The following GLDC variants were observed in gnomAD, a reference collection of about 807,000 sequenced individuals.
The protein encoded by GLDC is glycine dehydrogenase (decarboxylating), mitochondrial.
In GLDC, 104 loss-of-function variants were observed where a neutral mutation model predicts 121.3. The ratio of observed to expected loss-of-function variants is 0.86; its 90% CI spans 0.73 to 1.01. The LOEUF is 1.01. Among genes scored for constraint, GLDC ranks in the 50% least tolerant of loss-of-function variants. GLDC has a pLI of 0.00. For missense variants in GLDC, 1,429 were observed against 1,306.6 expected (o/e 1.09, Z -1.44); for synonymous variants, 546 against 480.6 (o/e 1.14, Z -1.78).
intron 8 of GLDC, among the ~76,000 whole-genome samples, chr9:6,596,314 A>T (rs1267960414): frequency 1.3e-5 from 2 of 152,244 alleles, no homozygotes; most frequent in African/African-American, 4.8e-5. Flanking sequence ...ACACGGCTGA[A>T]CAACAAATTG....
At chr9:6,638,731 C>G (rs1376417347) in intron 2 of GLDC, among the ~76,000 whole-genome samples, 1 of 152,144 alleles carries the variant, frequency 6.6e-6, no homozygotes, top group Admixed American at 6.5e-5. Flanking sequence ...TATATCCTCA[C>G]TGGGCACGGT....
chr9:6,624,809 G>C (rs2129965975), intron 2 of GLDC, among the ~76,000 whole-genome samples: 1 of 152,144 alleles, frequency 6.6e-6, no homozygotes, highest in East Asian at 1.9e-4. Context: ...CCAACATGGT[G>C]AAACCCTGTC....
rs187370615 is a variant in GLDC at position 6,556,134 on chromosome 9, G to T, written c.2202+19C>A. The T allele has an allele frequency of 2.5e-6, 4 of 1,602,638 alleles. No individual in the cohort carries two copies. The highest frequency in any genetic ancestry group is 3.4e-6 in the Non-Finnish European group (4 of 1,171,222). On this transcript the variant is annotated intron_variant, in intron 18 of 24. Coordinates refer to ENST00000321612, the MANE Select transcript of GLDC (RefSeq NM_000170.3). ...CATTTTCTCAGTGGGAACTAAGGGC[G>T]GGCCTCTTCAGTTCCCACCTGAGCA... is the stretch of plus-strand genomic sequence containing the variant.
At chr9:6,607,791 G>C (rs1213600833) in intron 4 of GLDC, among the ~76,000 whole-genome samples, 1 of 151,402 alleles carries the variant, frequency 6.6e-6, no homozygotes. Flanking sequence ...TTGGGACTAC[G>C]GGCATGTGCC....
At chr9:6,558,896 T>C (rs1425126006) in intron 16 of GLDC, among the ~76,000 whole-genome samples, 4 of 152,240 alleles carry the variant, frequency 2.6e-5, no homozygotes, top group African/African-American at 7.2e-5. Context: ...CCCTAAATAT[T>C]GTTCCCTGAA....
At chr9:6,546,841 A>T (rs561314600) in intron 21 of GLDC, among the ~76,000 whole-genome samples, 9 of 152,132 alleles carry the variant, frequency 5.9e-5, no homozygotes, top group African/African-American at 2.2e-4. Context: ...GAACACCTGT[A>T]GTCCCAGCTA....
intron 8 of GLDC, among the ~76,000 whole-genome samples, chr9:6,600,943 G>A (rs1818596769): frequency 6.6e-6 from 1 of 152,160 alleles, no homozygotes; most frequent in South Asian, 2.1e-4. Context: ...GGGAGGCCGA[G>A]GTGGGTGGAT....
intron 15 of GLDC, among the ~76,000 whole-genome samples, chr9:6,579,190 T>C (rs1818129158): frequency 6.6e-6 from 1 of 152,198 alleles, no homozygotes; most frequent in African/African-American, 2.4e-5. Context: ...TCACTGGATC[T>C]TTCAAATAAT....
intron 15 of GLDC, chr9:6,567,584 G>A (rs1055540511): frequency 1.3e-5 from 2 of 152,164 alleles, no homozygotes; most frequent in African/African-American, 4.8e-5. Context: ...CTTCCTCAGA[G>A]AGGCCTTCCC....
chr9:6,603,305 T>A (rs539286716), intron 7 of GLDC, among the ~76,000 whole-genome samples: 2 of 150,622 alleles, frequency 1.3e-5, no homozygotes, highest in East Asian at 3.9e-4. Flanking sequence ...TAACATTAGG[T>A]GTTAATAAGA....
chr9:6,591,746 G>C (rs1034103876), intron 11 of GLDC: 1 of 265,964 alleles, frequency 3.8e-6, no homozygotes, highest in African/African-American at 2.2e-5. Context: ...CACCATGCCT[G>C]GCTAATTTTG....
intron 12 of GLDC, 138 bp from the exon 13 acceptor site, chr9:6,588,840 C>A (rs1222428935): frequency 2.8e-6 from 2 of 715,564 alleles, no homozygotes; most frequent in East Asian, 5.3e-5. Flanking sequence ...GTCAACTACA[C>A]TCAGAGAGAA....
At chr9:6,599,115 C>T (rs578073139) in intron 8 of GLDC, among the ~76,000 whole-genome samples, 10 of 150,662 alleles carry the variant, frequency 6.6e-5, no homozygotes, top group Admixed American at 2.6e-4. Flanking sequence ...ACCCGGAAGA[C>T]GGAGGTTGCA....
chr9:6,548,957 A>G (rs1267328882), intron 21 of GLDC, among the ~76,000 whole-genome samples: 1 of 152,138 alleles, frequency 6.6e-6, no homozygotes, highest in Admixed American at 6.5e-5. Flanking sequence ...CTACCTGCAA[A>G]CATGGAATCC....
rs973045109 is a variant in GLDC, at chr9:6,601,779, C to A, written c.1155+330G>T. On this transcript the variant is annotated intron_variant, in intron 8 of 24. Transcript: ENST00000321612. ...ACCTGGGACTACAGGAGCATACCAC[C>A]ACTGACGGCTAATTTATTTTATTTT... Among the ~76,000 whole-genome samples, 4 of 152,220 alleles carry A rather than the reference C, an allele frequency of 2.6e-5. No homozygotes were observed. The East Asian group carries it at 7.7e-4, about 29-fold the overall frequency.
intron 8 of GLDC, among the ~76,000 whole-genome samples, chr9:6,596,899 A>G (rs1818503095): frequency 6.6e-6 from 1 of 152,270 alleles, no homozygotes; most frequent in Non-Finnish European, 1.5e-5. Context: ...TATAACCAAA[A>G]GAACTGAAAA....
chr9:6,627,247 G>C (rs1397333155), intron 2 of GLDC, among the ~76,000 whole-genome samples: 1 of 129,462 alleles, frequency 7.7e-6, no homozygotes, highest in South Asian at 2.6e-4. Flanking sequence ...AGTGAGCCGA[G>C]ATCACGCCAC....
intron 7 of GLDC, among the ~76,000 whole-genome samples, chr9:6,602,948 C>A (rs1231689222): frequency 6.6e-6 from 1 of 152,042 alleles, no homozygotes; most frequent in Non-Finnish European, 1.5e-5. Context: ...ATTTTATGAG[C>A]CGCGCATGGT....
At chr9:6,637,572 T>C (rs1329800797) in intron 2 of GLDC, among the ~76,000 whole-genome samples, 3 of 151,996 alleles carry the variant, frequency 2.0e-5, no homozygotes, top group African/African-American at 7.2e-5. Flanking sequence ...GTTCAAGCTA[T>C]TCTCCTGCCT....
Sources: allele counts gnomAD v4.1 joint callset (sites outside exome capture counted in the v4.1 genomes callset), GRCh38; gene constraint gnomAD v4.1.1; transcripts MANE v1.5; gene names NCBI Gene and HGNC (gene_info 2026-07-23, HGNC 2026-07-21).